The following ATXN10 variants were observed in gnomAD, a reference collection of about 807,000 sequenced individuals.
The protein encoded by ATXN10 is ataxin-10.
Under a neutral mutation model 52.9 loss-of-function variants are expected in ATXN10, and 28 were observed. The ratio of observed to expected loss-of-function variants is 0.53; its 90% CI spans 0.39 to 0.73. The LOEUF (loss-of-function observed/expected upper bound fraction) is 0.73. ATXN10 is among the 30% of genes least tolerant of loss of function. ATXN10 has a pLI of 0.00. For missense variants in ATXN10, 565 were observed against 577.0 expected (o/e 0.98, Z 0.21); for synonymous variants, 226 against 221.5 (o/e 1.02, Z -0.18).
At chr22:45,689,576 G>GGCC in intron 1 of ATXN10, 136 bp from the exon 2 acceptor site, 1 of 669,834 alleles carries the variant, frequency 1.5e-6, no homozygotes, top group Non-Finnish European at 2.6e-6. Flanking sequence ...TTTATTTGGT[G>GGCC]TTGTAAATTA....
rs1310271299 is a variant in ATXN10 at position 45,786,757 on chromosome 22, A to G, written c.1174-20202A>G. On this transcript the variant is annotated intron_variant, in intron 9 of 11. Coordinates refer to ENST00000252934, the MANE Select transcript of ATXN10 (RefSeq NM_013236.4). This position sits in a 1 kb window ranked among gnomAD's most constrained non-coding sequence, Gnocchi z 4.1. Reference sequence around the variant, plus strand: ...ACATTTTTTACCTATCAAAAAAGCAACTTTAAAAATCTGCAGCATCAGTAA... The same window carrying G: ...ACATTTTTTACCTATCAAAAAAGCAGCTTTAAAAATCTGCAGCATCAGTAA... Among the ~76,000 whole-genome samples the G allele has an allele frequency of 6.6e-6, 1 of 152,232 alleles. No individual in the cohort carries two copies. Among genetic ancestry groups the G allele is most frequent in the Non-Finnish European group, 1.5e-5 (1 of 68,034 alleles).
chr22:45,842,370 C>G lies in ATXN10; in HGVS notation c.1238-621C>G, dbSNP rs1406759671. On this transcript the variant is annotated intron_variant, in intron 10 of 11. Transcript: ENST00000252934. This position sits in a 1 kb window ranked among gnomAD's most constrained non-coding sequence, Gnocchi z 4.8. ...GTGAACACTTGGGCACAGTGAGCCC[C>G]GATGCTTTCAGGAGCCTGAGTATTC... Among the ~76,000 whole-genome samples the G allele has an allele frequency of 6.6e-6, 1 of 152,172 alleles. No individual in the cohort carries two copies. The highest frequency in any genetic ancestry group is 2.4e-5 in the African/African-American group (1 of 41,426).
rs546989963 is a variant in ATXN10 at position 45,713,841 on chromosome 22, A to G, written c.648-4572A>G. Among the ~76,000 whole-genome samples the G allele has an allele frequency of 2.0e-5, 3 of 152,252 alleles. No homozygotes were observed. The East Asian group carries it at 5.8e-4, about 29-fold the overall frequency. ...TCCTATATAAAGACTTTCCTCAGTT[A>G]AAGATCTTTCATTGTATGAATATAC... is the stretch of plus-strand genomic sequence containing the variant. On this transcript the variant is annotated intron_variant, in intron 5 of 11. Coordinates refer to ENST00000252934, the MANE Select transcript of ATXN10 (RefSeq NM_013236.4).
chr22:45,778,294 A>G (rs1927030700), intron 9 of ATXN10, among the ~76,000 whole-genome samples: 1 of 152,162 alleles, frequency 6.6e-6, no homozygotes, highest in East Asian at 1.9e-4. Flanking sequence ...TATATTATGA[A>G]CTTACTATGT....
In ATXN10 at chr22:45,759,697, T is replaced by C. The variant is rs1181817891; in HGVS notation, c.1173+19159T>C. 6.6e-6 allele frequency among the ~76,000 whole-genome samples: 1 copy of C among 152,118 alleles called. No homozygotes were observed. The highest frequency in any genetic ancestry group is 1.5e-5 in the Non-Finnish European group (1 of 68,006). ...ATCAGCTCCTCCCTCCCAGCCACCC[T>C]GCCCTTCATAAAGCTCTAGTTTTGT... On this transcript the variant is annotated intron_variant, in intron 9 of 11. Transcript: ENST00000252934. This position sits in a 1 kb window ranked among gnomAD's most constrained non-coding sequence, Gnocchi z 5.4.
rs1014849263 is a variant in ATXN10, at chr22:45,732,504, T to C, written c.894+2914T>C. On this transcript the variant is annotated intron_variant, in intron 7 of 11. Coordinates refer to ENST00000252934, the MANE Select transcript of ATXN10 (RefSeq NM_013236.4). This position sits in a 1 kb window ranked among gnomAD's most constrained non-coding sequence, Gnocchi z 4.5. Reference sequence around the variant, plus strand: ...GGCAGTTTTCTTTTGCAAAGCCAAATTAATTTACTTTTGGAAGTTTATTGA... The same window carrying C: ...GGCAGTTTTCTTTTGCAAAGCCAAACTAATTTACTTTTGGAAGTTTATTGA... Among the ~76,000 whole-genome samples the C allele has an allele frequency of 3.3e-5, 5 of 151,932 alleles. No individual in the cohort carries two copies. Among genetic ancestry groups the C allele is most frequent in the Non-Finnish European group, 7.3e-5 (5 of 68,030 alleles).
At chr22:45,829,718 G>T (rs1314653817) in intron 10 of ATXN10, among the ~76,000 whole-genome samples, 1 of 152,124 alleles carries the variant, frequency 6.6e-6, no homozygotes, top group East Asian at 1.9e-4. Flanking sequence ...ATTGCTGAAA[G>T]AAATTAAAGG....
chr22:45,804,697 A>G (rs1928041036), intron 9 of ATXN10, among the ~76,000 whole-genome samples: 1 of 152,208 alleles, frequency 6.6e-6, no homozygotes, highest in African/African-American at 2.4e-5. Context: ...ATTAATTTGT[A>G]TGTTTTCAAT....
At chr22:45,803,986 T>A (rs1204324216) in intron 9 of ATXN10, among the ~76,000 whole-genome samples, 1 of 151,854 alleles carries the variant, frequency 6.6e-6, no homozygotes, top group Non-Finnish European at 1.5e-5. Context: ...CACTTATCTT[T>A]CCCTCAAACC....
At chr22:45,738,621 C>T in intron 7 of ATXN10, 110 bp from the exon 8 acceptor site, 2 of 962,272 alleles carry the variant, frequency 2.1e-6, no homozygotes, top group Non-Finnish European at 1.6e-6. Flanking sequence ...TTATTACAAG[C>T]ACAGACTCTT....
chr22:45,737,584 A>G (rs1412871765), intron 7 of ATXN10, among the ~76,000 whole-genome samples: 11 of 152,150 alleles, frequency 7.2e-5, no homozygotes. Flanking sequence ...AGATTTCAGA[A>G]TACTATATTA....
chr22:45,731,381 A>T (rs996433772), intron 7 of ATXN10, among the ~76,000 whole-genome samples: 1 of 152,204 alleles, frequency 6.6e-6, no homozygotes, highest in Non-Finnish European at 1.5e-5. Flanking sequence ...AACTTTCTGG[A>T]TAGTAGAATG....
At chr22:45,745,846 C>G (rs950098818) in intron 9 of ATXN10, among the ~76,000 whole-genome samples, 1 of 152,110 alleles carries the variant, frequency 6.6e-6, no homozygotes, top group African/African-American at 2.4e-5. Context: ...AGATACACAG[C>G]AAGTAAGACA....
chr22:45,750,092 C>T lies in ATXN10; in HGVS notation c.1173+9554C>T, dbSNP rs1026536337. Among the ~76,000 whole-genome samples the T allele has an allele frequency of 4.6e-5, 7 of 151,660 alleles. No individual in the cohort carries two copies. The highest frequency in any genetic ancestry group is 1.2e-4 in the African/African-American group (5 of 41,274). On this transcript the variant is annotated intron_variant, in intron 9 of 11. Coordinates refer to ENST00000252934, the MANE Select transcript of ATXN10 (RefSeq NM_013236.4). This position sits in a 1 kb window ranked among gnomAD's most constrained non-coding sequence, Gnocchi z 4.2. ...ATATGATCAATTTTTAGATAACAGA[C>T]GTTTTAATTTAATTTAATTTTATTT... is the stretch of plus-strand genomic sequence containing the variant.
rs992263574 is a variant in ATXN10, at chr22:45,833,404, C to T, written c.1238-9587C>T. Among the ~76,000 whole-genome samples the T allele has an allele frequency of 1.3e-5, 2 of 152,312 alleles. No homozygotes were observed. Among genetic ancestry groups the T allele is most frequent in the Admixed American group, 1.3e-4 (2 of 15,306 alleles). On this transcript the variant is annotated intron_variant, in intron 10 of 11. Coordinates refer to ENST00000252934, the MANE Select transcript of ATXN10 (RefSeq NM_013236.4). The surrounding 1 kb of genome is among the most constrained non-coding windows in gnomAD (Gnocchi z 4.3). Reference sequence around the variant, plus strand: ...AAGAGCGCTCCTTGACTCCTCAGGGCCTGCTGGGTCTTGTCTGTTCTAAAT... The same window carrying T: ...AAGAGCGCTCCTTGACTCCTCAGGGTCTGCTGGGTCTTGTCTGTTCTAAAT...
rs138226959 is a variant in ATXN10 at position 45,730,245 on chromosome 22, G to T, written c.894+655G>T. Among the ~76,000 whole-genome samples, 1,151 of 151,544 alleles carry T rather than the reference G, an allele frequency of 7.6e-3. 12 individuals are homozygous for T. Among genetic ancestry groups the T allele is most frequent in the African/African-American group, 0.026 (1,093 of 41,304 alleles). On this transcript the variant is annotated intron_variant, in intron 7 of 11. Coordinates refer to ENST00000252934, the MANE Select transcript of ATXN10 (RefSeq NM_013236.4). ...TATAGACCCAGCTACTTGGGAGGCT[G>T]AGGTGGGAGGGTCACTTGAGCCCAG...
intron 2 of ATXN10, among the ~76,000 whole-genome samples, chr22:45,691,545 G>A (rs1249130939): frequency 6.6e-6 from 1 of 152,244 alleles, no homozygotes; most frequent in Non-Finnish European, 1.5e-5. Flanking sequence ...CCAGACATCT[G>A]ACTCTAAAGC....
chr22:45,745,305 AT>A (rs1162175926), intron 9 of ATXN10, among the ~76,000 whole-genome samples: 4 of 152,142 alleles, frequency 2.6e-5, no homozygotes, highest in Admixed American at 2.6e-4. Flanking sequence ...AGCTAAGTGC[AT>A]TTTTCAAATC....
intron 6 of ATXN10, among the ~76,000 whole-genome samples, chr22:45,721,902 G>A (rs546342733): frequency 3.9e-5 from 6 of 152,056 alleles, no homozygotes; most frequent in Non-Finnish European, 7.4e-5. Context: ...GCAACAGAGC[G>A]AGACTCTGTC....
Sources: allele counts gnomAD v4.1 joint callset (sites outside exome capture counted in the v4.1 genomes callset), GRCh38; gene constraint gnomAD v4.1.1; non-coding constraint Gnocchi (gnomAD v3.1); transcripts MANE v1.5; gene names NCBI Gene and HGNC (gene_info 2026-07-23, HGNC 2026-07-21).